EYS: variants seen among roughly 807,000 people sequenced by gnomAD.
EYS encodes EGF-like photoreceptor maintenance factor.
In EYS, 250 loss-of-function variants were observed where a neutral mutation model predicts 282.1. That is an observed-to-expected ratio of 0.89 (90% CI 0.80 to 0.98). EYS has a LOEUF of 0.98. EYS is among the 50% of genes least tolerant of loss of function. EYS has a pLI of 0.00. For missense variants in EYS, 4,016 were observed against 3,709.0 expected (o/e 1.08, Z -2.15); for synonymous variants, 1,355 against 1,282.9 (o/e 1.06, Z -1.20).
At chr6:65,332,103 T>C (rs1187084945) in intron 11 of EYS, 4 of 404,690 alleles carry the variant, frequency 9.9e-6, no homozygotes, top group Non-Finnish European at 1.8e-5. Context: ...AAGTATAATG[T>C]TAGTTATGTT....
chr6:63,730,975 C>T (rs922285053), intron 41 of EYS, among the ~76,000 whole-genome samples: 15 of 152,192 alleles, frequency 9.9e-5, no homozygotes, highest in East Asian at 9.6e-4. Context: ...GAGTTGAGAT[C>T]GCACCACTGC....
intron 22 of EYS, among the ~76,000 whole-genome samples, chr6:64,777,118 TG>T (rs1026915064): frequency 3.3e-5 from 5 of 152,112 alleles, no homozygotes; most frequent in Admixed American, 2.6e-4. Flanking sequence ...GAGAACAAGA[TG>T]GGGGGAACCC....
At chr6:64,297,020 A>G (rs1314330102) in intron 30 of EYS, among the ~76,000 whole-genome samples, 1 of 152,198 alleles carries the variant, frequency 6.6e-6, no homozygotes. Flanking sequence ...TTCAGCTCTT[A>G]AAACAGTAGC....
chr6:64,173,852 C>T (rs1177816346), intron 31 of EYS, among the ~76,000 whole-genome samples: 1 of 151,892 alleles, frequency 6.6e-6, no homozygotes, highest in Non-Finnish European at 1.5e-5. Flanking sequence ...AAAAACAAAT[C>T]TGGAAGAAGT....
At chr6:65,314,760 C>T (rs1769255940) in intron 11 of EYS, among the ~76,000 whole-genome samples, 1 of 151,916 alleles carries the variant, frequency 6.6e-6, no homozygotes, top group Non-Finnish European at 1.5e-5. Context: ...GGAACATTTT[C>T]AGGAACTGTG....
chr6:65,034,553 G>C (rs551725543), intron 13 of EYS, among the ~76,000 whole-genome samples: 5 of 151,920 alleles, frequency 3.3e-5, no homozygotes, highest in Non-Finnish European at 7.4e-5. Flanking sequence ...AAAGTGTGTG[G>C]CACCTCCCCC....
At chr6:65,265,554 A>G (rs1767731094) in intron 12 of EYS, among the ~76,000 whole-genome samples, 1 of 152,072 alleles carries the variant, frequency 6.6e-6, no homozygotes, top group South Asian at 2.1e-4. Flanking sequence ...GAGCTAAACA[A>G]AATAACAATG....
At chr6:64,100,414 A>C (rs1174632781) in intron 31 of EYS, among the ~76,000 whole-genome samples, 2 of 151,624 alleles carry the variant, frequency 1.3e-5, no homozygotes, top group East Asian at 3.9e-4. Flanking sequence ...CATTTTCCTG[A>C]GCATTTAACA....
intron 5 of EYS, among the ~76,000 whole-genome samples, chr6:65,482,387 G>A (rs1423894170): frequency 1.3e-5 from 2 of 152,150 alleles, no homozygotes; most frequent in African/African-American, 2.4e-5. Flanking sequence ...CCACTTATGA[G>A]AGCAAGGACT....
chr6:64,558,429 G>A (rs985546917), intron 26 of EYS, among the ~76,000 whole-genome samples: 2 of 151,906 alleles, frequency 1.3e-5, no homozygotes, highest in African/African-American at 2.4e-5. Flanking sequence ...TGCATAGGAC[G>A]GACCACACAA....
intron 26 of EYS, among the ~76,000 whole-genome samples, chr6:64,466,725 CAA>C (rs1433856488): frequency 5.3e-5 from 8 of 151,842 alleles, no homozygotes; most frequent in East Asian, 1.9e-4. Flanking sequence ...TTGAAAATTG[CAA>C]AGAGTGTACA....
chr6:65,481,909 GA>G (rs1051776101), intron 5 of EYS, among the ~76,000 whole-genome samples: 1 of 152,012 alleles, frequency 6.6e-6, no homozygotes, highest in African/African-American at 2.4e-5. Flanking sequence ...AGAACACTTG[GA>G]AATAATGTTT....
chr6:64,446,368 A>G (rs896232158), intron 26 of EYS, among the ~76,000 whole-genome samples: 8 of 152,144 alleles, frequency 5.3e-5, no homozygotes, highest in Non-Finnish European at 1.2e-4. Flanking sequence ...AATAGAATAC[A>G]TGTATTTTAG....
intron 31 of EYS, among the ~76,000 whole-genome samples, chr6:64,223,848 A>G (rs933033751): frequency 2.0e-5 from 3 of 152,062 alleles, no homozygotes; most frequent in African/African-American, 7.2e-5. Context: ...AAGATAAATC[A>G]TACTTCCCAG....
chr6:64,611,739 G>A (rs1263712929), intron 24 of EYS, among the ~76,000 whole-genome samples: 1 of 152,052 alleles, frequency 6.6e-6, no homozygotes, highest in Admixed American at 6.6e-5. Context: ...TGTAAGACTA[G>A]TGTATATGTA....
At chr6:65,062,404 C>G (rs1773603954) in intron 12 of EYS, among the ~76,000 whole-genome samples, 1 of 151,940 alleles carries the variant, frequency 6.6e-6, no homozygotes, top group Admixed American at 6.6e-5. Flanking sequence ...TTACCAATAT[C>G]TAGTCTAAGT....
chr6:65,332,388 T>C (rs1351982186), intron 11 of EYS: 1 of 1,125,712 alleles, frequency 8.9e-7, no homozygotes, highest in East Asian at 2.6e-5. Context: ...TTGCTGAATT[T>C]GGTGTGGTAT....
chr6:65,484,220 C>T lies in EYS; in HGVS notation c.862+6374G>A, dbSNP rs573110417. ...GCTCAAGATAGCACCAGTTTATGCT[C>T]ATGGGGTAGAAGACAGAATATTGCT... is the stretch of plus-strand genomic sequence containing the variant. On this transcript the variant is annotated intron_variant, in intron 5 of 42. Transcript: ENST00000503581. 8.9e-4 allele frequency among the ~76,000 whole-genome samples: 135 copies of T among 152,004 alleles called. 2 individuals carry two copies. Among genetic ancestry groups the T allele is most frequent in the African/African-American group, 2.6e-3 (109 of 41,470 alleles).
intron 19 of EYS, among the ~76,000 whole-genome samples, chr6:64,839,832 C>G (rs927145872): frequency 2.0e-5 from 3 of 151,978 alleles, no homozygotes; most frequent in African/African-American, 4.8e-5. Flanking sequence ...GAAGGGTCTA[C>G]CTTCCAGCCT....
Sources: gnomAD v4.1 joint callset for allele counts (sites outside exome capture counted in the v4.1 genomes callset) on GRCh38, gnomAD v4.1.1 for gene constraint, MANE v1.5 for transcripts, NCBI Gene and HGNC (gene_info 2026-07-23, HGNC 2026-07-21) for gene names.